KIFAP3: variants seen among roughly 807,000 people sequenced by gnomAD.
KIFAP3 encodes kinesin-associated protein 3.
In KIFAP3, 68 loss-of-function variants were observed where a neutral mutation model predicts 106.5. That is an observed-to-expected ratio of 0.64 (90% CI 0.53 to 0.78). KIFAP3 has a LOEUF of 0.78. Ranked by LOEUF, KIFAP3 falls within the 30% of genes least tolerant of loss-of-function variation. The pLI, the probability that KIFAP3 is intolerant of heterozygous loss-of-function variation, is 0.00. For synonymous variants in KIFAP3, 320 were observed against 311.5 expected (o/e 1.03, Z -0.29); for missense variants, 780 against 941.8 (o/e 0.83, Z 2.25).
At chr1:170,044,448 T>C (rs879440653) in intron 3 of KIFAP3, among the ~76,000 whole-genome samples, 2 of 152,234 alleles carry the variant, frequency 1.3e-5, no homozygotes, top group Non-Finnish European at 2.9e-5. Context: ...ATCCCAGTGA[T>C]GACTACTGTG....
At position 169,990,433 on chromosome 1, in the gene KIFAP3, G is replaced by A. The variant is rs113361076; in HGVS notation, c.1284+1722C>T. 8.4e-3 allele frequency among the ~76,000 whole-genome samples: 1,281 copies of A among 151,656 alleles called. 23 individuals are homozygous for A. Among genetic ancestry groups the A allele is most frequent in the African/African-American group, 0.028 (1,164 of 41,322 alleles). ...CAGGAATGCAGATTATGCAAAGATA[G>A]CATTGGAATAATTTTGCTCATATTT... On this transcript the variant is annotated intron_variant, in intron 11 of 19. Transcript: ENST00000361580.
At chr1:169,997,278 C>G (rs764747624) in intron 10 of KIFAP3, among the ~76,000 whole-genome samples, 18 of 152,114 alleles carry the variant, frequency 1.2e-4, no homozygotes, top group Non-Finnish European at 2.4e-4. Context: ...ATGAGAGAAT[C>G]CTGGTAAAGC....
intron 17 of KIFAP3, among the ~76,000 whole-genome samples, chr1:169,967,562 T>C (rs1171940433): frequency 6.6e-6 from 1 of 151,870 alleles, no homozygotes; most frequent in African/African-American, 2.4e-5. Context: ...CTAGCTCTGC[T>C]ACTAACTGAA....
chr1:170,006,232 C>A (rs1667953567), intron 10 of KIFAP3, among the ~76,000 whole-genome samples: 1 of 152,172 alleles, frequency 6.6e-6, no homozygotes. Flanking sequence ...TCCTTCCTTT[C>A]ATGTGTTCCT....
At chr1:170,006,454 G>A (rs1305117146) in intron 10 of KIFAP3, among the ~76,000 whole-genome samples, 1 of 152,124 alleles carries the variant, frequency 6.6e-6, no homozygotes, top group Non-Finnish European at 1.5e-5. Context: ...ATGTTGCTGG[G>A]GCCTGGAGGG....
In KIFAP3 at chr1:169,959,918, G is replaced by A. The variant is rs562804263; in HGVS notation, c.2173+1128C>T. ...TACTCCATCTGGTTTGAAACACAAA[G>A]CAGCATTTCTTAACTACTGTAAAGT... On this transcript the variant is annotated intron_variant, in intron 18 of 19. Transcript: ENST00000361580. Among the ~76,000 whole-genome samples the A allele has an allele frequency of 2.0e-5, 3 of 152,106 alleles. No homozygotes were observed. The East Asian group carries it at 5.8e-4, about 29-fold the overall frequency.
intron 1 of KIFAP3, among the ~76,000 whole-genome samples, chr1:170,081,957 A>C (rs1672026671): frequency 6.6e-6 from 1 of 152,230 alleles, no homozygotes; most frequent in Non-Finnish European, 1.5e-5. Flanking sequence ...ATTGGTGGTA[A>C]GAATGTGGAG....
intron 16 of KIFAP3, among the ~76,000 whole-genome samples, chr1:169,975,586 CT>C (rs1230189140): frequency 2.6e-5 from 4 of 151,934 alleles, no homozygotes; most frequent in Admixed American, 1.3e-4. Flanking sequence ...GTTTTTTCAA[CT>C]CCAAAACATT....
intron 8 of KIFAP3, among the ~76,000 whole-genome samples, chr1:170,026,147 TAGAA>T (rs572013089): frequency 2.0e-5 from 3 of 152,076 alleles, no homozygotes; most frequent in Non-Finnish European, 4.4e-5. Flanking sequence ...CACCAAAAGC[TAGAA>T]AGAGACGAGA....
At chr1:170,005,531 A>G (rs963890905) in intron 10 of KIFAP3, among the ~76,000 whole-genome samples, 10 of 152,072 alleles carry the variant, frequency 6.6e-5, no homozygotes, top group African/African-American at 2.4e-4. Flanking sequence ...GCAGCCATAA[A>G]AAATGATGAG....
At chr1:170,044,728 C>G (rs559450636) in intron 3 of KIFAP3, among the ~76,000 whole-genome samples, 1 of 152,226 alleles carries the variant, frequency 6.6e-6, no homozygotes, top group Admixed American at 6.5e-5. Flanking sequence ...TTCCCCAGGA[C>G]TGACTCTGAA....
At chr1:170,057,373 C>CT (rs753602201) in intron 1 of KIFAP3, among the ~76,000 whole-genome samples, 103 of 151,510 alleles carry the variant, frequency 6.8e-4, no homozygotes, top group Non-Finnish European at 1.2e-3. Context: ...TTTTGTTTGC[C>CT]TTTTTTTTGC....
intron 17 of KIFAP3, among the ~76,000 whole-genome samples, chr1:169,967,431 A>C (rs1021941451): frequency 7.9e-5 from 12 of 151,906 alleles, no homozygotes; most frequent in East Asian, 3.9e-4. Context: ...AATATAGTTT[A>C]GTAGCCATGG....
chr1:169,953,119 T>C (rs963523322), intron 19 of KIFAP3, among the ~76,000 whole-genome samples: 1 of 152,146 alleles, frequency 6.6e-6, no homozygotes, highest in African/African-American at 2.4e-5. Flanking sequence ...GTTACACCTC[T>C]AGGAATGATA....
intron 19 of KIFAP3, among the ~76,000 whole-genome samples, chr1:169,952,996 G>A (rs774572934): frequency 6.6e-6 from 1 of 151,764 alleles, no homozygotes; most frequent in Non-Finnish European, 1.5e-5. Context: ...AATTTAAGAA[G>A]AAAAAAATTA....
At chr1:170,000,635 T>C (rs1339500288) in intron 10 of KIFAP3, among the ~76,000 whole-genome samples, 1 of 152,176 alleles carries the variant, frequency 6.6e-6, no homozygotes, top group Non-Finnish European at 1.5e-5. Flanking sequence ...TGTTTCCATA[T>C]AATTTTATGC....
intron 10 of KIFAP3, among the ~76,000 whole-genome samples, chr1:169,999,482 A>G (rs1415988494): frequency 6.6e-6 from 1 of 152,244 alleles, no homozygotes; most frequent in Non-Finnish European, 1.5e-5. Context: ...AAGCAAGGGC[A>G]GTGAAAAGAC....
intron 4 of KIFAP3, among the ~76,000 whole-genome samples, chr1:170,038,672 T>TA (rs1271964183): frequency 6.6e-6 from 1 of 152,254 alleles, no homozygotes; most frequent in Non-Finnish European, 1.5e-5. Flanking sequence ...ATATAAAGTA[T>TA]CTTAAATGTA....
In KIFAP3 at chr1:170,059,199, A is replaced by C. The variant is rs182818421; in HGVS notation, c.33-3763T>G. Among the ~76,000 whole-genome samples the C allele has an allele frequency of 9.8e-4, 148 of 151,248 alleles. 1 individual carries two copies. The highest frequency in any genetic ancestry group is 3.4e-3 in the African/African-American group (139 of 41,412). On this transcript the variant is annotated intron_variant, in intron 1 of 19. Coordinates refer to ENST00000361580, the MANE Select transcript of KIFAP3 (RefSeq NM_014970.4). The stretch of plus-strand genomic sequence containing the variant: ...CAAAACTGAAGGAGATAGAGACACA[A>C]AAAAAATCAATGAACCCAGGAGATG...
Sources: gnomAD v4.1 joint callset for allele counts (sites outside exome capture counted in the v4.1 genomes callset) on GRCh38, gnomAD v4.1.1 for gene constraint, MANE v1.5 for transcripts, NCBI Gene and HGNC (gene_info 2026-07-23, HGNC 2026-07-21) for gene names.